The following TULP3 variants were observed in gnomAD, a reference collection of about 807,000 sequenced individuals.
TULP3 encodes TUB like protein 3.
Under a neutral mutation model 50.7 loss-of-function variants are expected in TULP3, and 38 were observed. The observed-to-expected ratio is 0.75, with a 90% CI of 0.58 to 0.98. The LOEUF (loss-of-function observed/expected upper bound fraction) is 0.98, where lower values mean the gene tolerates loss of function less well. Ranked by LOEUF, TULP3 falls within the 50% of genes least tolerant of loss-of-function variation. The pLI is 0.00. For synonymous variants in TULP3, 183 were observed against 196.6 expected (o/e 0.93, Z 0.58); for missense variants, 550 against 568.0 (o/e 0.97, Z 0.32).
At chr12:2,898,611 T>G (rs2098176966) in intron 1 of TULP3, among the ~76,000 whole-genome samples, 1 of 152,226 alleles carries the variant, frequency 6.6e-6, no homozygotes, top group Non-Finnish European at 1.5e-5. Flanking sequence ...TGTGTCTATT[T>G]CAATAAGACT....
rs1041862783 is a variant in TULP3 at position 2,939,543 on chromosome 12, G to A, written c.*99G>A. 2.6e-6 allele frequency: 4 copies of A among 1,534,800 alleles called. No individual in the cohort carries two copies. In the African/African-American group the frequency reaches 5.5e-5, roughly 21 times the overall value. ...CTGCCCCAGGACTTAAAGAGCAATA[G>A]TTTGCCCCTTTTGGAATGATCTCTG... On this transcript the variant is annotated 3_prime_UTR_variant, in exon 11 of 11. Coordinates refer to ENST00000448120, the MANE Select transcript of TULP3 (RefSeq NM_003324.5). This position sits in a 1 kb window ranked among gnomAD's most constrained non-coding sequence, Gnocchi z 4.0.
intron 2 of TULP3, among the ~76,000 whole-genome samples, chr12:2,911,347 A>G (rs1388706188): frequency 2.0e-5 from 3 of 151,906 alleles, no homozygotes; most frequent in African/African-American, 7.2e-5. Flanking sequence ...TTCCAGAGAT[A>G]GTCAGTGAAT....
chr12:2,939,223 C>T lies in TULP3; in HGVS notation c.1196-88C>T, dbSNP rs1016696651. 6.9e-7 allele frequency: 1 copy of T among 1,453,464 alleles called. No individual in the cohort carries two copies. The highest frequency in any genetic ancestry group is 9.4e-7 in the Non-Finnish European group (1 of 1,059,792). The allele number at this position is 1,453,464 out of a possible 1,614,324, so 90.0% of individuals were successfully genotyped here. Reference sequence around the variant, plus strand: ...TCCAGCCAGGGCGACAGAGCAAAACCCCATCTAAGAAAAGGAAGAAAAAGA... The same window carrying T: ...TCCAGCCAGGGCGACAGAGCAAAACTCCATCTAAGAAAAGGAAGAAAAAGA... On this transcript the variant is annotated intron_variant, in intron 10 of 10. Coordinates refer to ENST00000448120, the MANE Select transcript of TULP3 (RefSeq NM_003324.5). This position sits in a 1 kb window ranked among gnomAD's most constrained non-coding sequence, Gnocchi z 4.0.
Position 2,909,509 on chromosome 12 carries a change from A to ATTTTTT in TULP3, c.42-11_42-6dup. 7.1e-7 allele frequency: 1 copy of ATTTTTT among 1,409,222 alleles called. No homozygotes were observed. The highest frequency in any genetic ancestry group is 9.6e-7 in the Non-Finnish European group (1 of 1,040,324). 87.3% of individuals were successfully genotyped at this position (1,409,222 alleles called of 1,614,324 possible). On this transcript the variant is annotated intron_variant, in intron 1 of 10. Transcript: ENST00000448120. ...CGTTTTCTTTTTATATACTTGCTTT[A>ATTTTTT]TTTTTTTTTTTTTTAACAGTGTCTT...
At chr12:2,931,008 T>C (rs1401147416) in intron 5 of TULP3, 29 bp from the exon 6 acceptor site, 1 of 1,612,992 alleles carries the variant, frequency 6.2e-7, no homozygotes, top group African/African-American at 1.3e-5. Context: ...TCTCGGCCTG[T>C]TGTTGCTCAT....
chr12:2,934,446 G>C lies in TULP3; in HGVS notation c.810-1G>C, dbSNP rs1207145952. On this transcript the variant is annotated splice_acceptor_variant, in intron 7 of 10. Coordinates refer to ENST00000448120, the MANE Select transcript of TULP3 (RefSeq NM_003324.5). LOFTEE classifies it high-confidence loss of function. The stretch of plus-strand genomic sequence containing the variant: ...ATGGTGACTTTTTCTCCTGACTCCA[G>C]ATCCAACCTCATGGGGACCAAGTTT... 4 of 1,572,452 alleles carry C rather than the reference G, an allele frequency of 2.5e-6. No individual in the cohort carries two copies. The South Asian group carries it at 4.7e-5, about 19-fold the overall frequency.
At chr12:2,904,391 G>T (rs921594394) in intron 1 of TULP3, among the ~76,000 whole-genome samples, 2 of 152,116 alleles carry the variant, frequency 1.3e-5, no homozygotes, top group Admixed American at 1.3e-4. Flanking sequence ...AGGCTGCTGT[G>T]CAGGGTCACA....
chr12:2,933,590 A>C (rs2098199463), intron 7 of TULP3, 60 bp downstream of exon 7: 1 of 1,026,998 alleles, frequency 9.7e-7, no homozygotes, highest in African/African-American at 1.6e-5. Flanking sequence ...CTATAGTTGC[A>C]GAACAGTCCT....
chr12:2,904,620 G>A (rs1047013880), intron 1 of TULP3, among the ~76,000 whole-genome samples: 1 of 152,096 alleles, frequency 6.6e-6, no homozygotes, highest in Non-Finnish European at 1.5e-5. Flanking sequence ...CAAGATGTGT[G>A]TTTAGGGTTT....
In TULP3 at chr12:2,941,039, C is replaced by T. The variant is rs756192443; in HGVS notation, c.*1595C>T. On this transcript the variant is annotated 3_prime_UTR_variant, in exon 11 of 11. Coordinates refer to ENST00000448120, the MANE Select transcript of TULP3 (RefSeq NM_003324.5). ...CCTCTGGTTTAAAGAGATATATAAA[C>T]TAATTTCACATAATTTGTGTGTGCA... The T allele has an allele frequency of 1.6e-4, 46 of 293,556 alleles. No individual in the cohort carries two copies. The highest frequency in any genetic ancestry group is 2.3e-4 in the Non-Finnish European group (36 of 159,956). The allele number at this position is 293,556 out of a possible 1,614,324, so 18.2% of individuals were successfully genotyped here.
chr12:2,908,511 C>T, intron 1 of TULP3, among the ~76,000 whole-genome samples: 1 of 152,078 alleles, frequency 6.6e-6, no homozygotes, highest in Non-Finnish European at 1.5e-5. Context: ...TGCTCTTCTC[C>T]ACCTCCCCGG....
chr12:2,891,953 G>A (rs1459551312), intron 1 of TULP3, among the ~76,000 whole-genome samples: 1 of 151,980 alleles, frequency 6.6e-6, no homozygotes, highest in Non-Finnish European at 1.5e-5. Flanking sequence ...GGACACGGTG[G>A]TGCGCGCCTG....
At chr12:2,923,975 C>T (rs979549335) in intron 4 of TULP3, among the ~76,000 whole-genome samples, 7 of 151,914 alleles carry the variant, frequency 4.6e-5, no homozygotes, top group Non-Finnish European at 5.9e-5. Flanking sequence ...AGCAGGACCC[C>T]GTCTCAACAA....
At chr12:2,931,810 A>G (rs1040785441) in intron 6 of TULP3, among the ~76,000 whole-genome samples, 3 of 152,210 alleles carry the variant, frequency 2.0e-5, no homozygotes, top group Non-Finnish European at 4.4e-5. Flanking sequence ...TCTAACCACC[A>G]TTTATTGAGT....
chr12:2,929,296 G>A (rs1408683400), intron 4 of TULP3, among the ~76,000 whole-genome samples: 4 of 151,718 alleles, frequency 2.6e-5, no homozygotes, highest in Non-Finnish European at 5.9e-5. Flanking sequence ...CAGCCTGGGC[G>A]ACAGAGCGAG....
intron 1 of TULP3, among the ~76,000 whole-genome samples, chr12:2,907,659 A>T (rs200868673): frequency 5.4e-4 from 24 of 44,560 alleles, no homozygotes; most frequent in African/African-American, 1.2e-3. Flanking sequence ...AAAAAAAAAA[A>T]AATTTTTTAT....
At chr12:2,893,148 CCACTG>C (rs992376162) in intron 1 of TULP3, among the ~76,000 whole-genome samples, 16 of 152,144 alleles carry the variant, frequency 1.1e-4, no homozygotes, top group African/African-American at 3.4e-4. Context: ...CAGGCCTGAG[CCACTG>C]CACTTGGCCC....
intron 2 of TULP3, among the ~76,000 whole-genome samples, chr12:2,915,116 G>A (rs1224986968): frequency 6.6e-6 from 1 of 152,026 alleles, no homozygotes. Flanking sequence ...AGCCTCTCGA[G>A]TAGCTAGGAC....
At chr12:2,893,920 A>G (rs1603503671) in intron 1 of TULP3, among the ~76,000 whole-genome samples, 1 of 152,120 alleles carries the variant, frequency 6.6e-6, no homozygotes, top group East Asian at 1.9e-4. Context: ...CTGGGATTAC[A>G]GGTGTGAGCG....
Sources: allele counts gnomAD v4.1 joint callset (sites outside exome capture counted in the v4.1 genomes callset), GRCh38; gene constraint gnomAD v4.1.1; non-coding constraint Gnocchi (gnomAD v3.1); transcripts MANE v1.5; gene names NCBI Gene and HGNC (gene_info 2026-07-23, HGNC 2026-07-21).